Variants in STX17 observed in about 807,000 individuals in gnomAD.
STX17 encodes the protein syntaxin 17, also known as syntaxin-17.
In STX17, 29 loss-of-function variants were observed where a neutral mutation model predicts 35.9. The ratio of observed to expected loss-of-function variants is 0.81; its 90% CI spans 0.60 to 1.10. The LOEUF (loss-of-function observed/expected upper bound fraction) is 1.10, where lower values mean the gene tolerates loss of function less well. Among genes scored for constraint, STX17 ranks in the 50% least tolerant of loss-of-function variants. The probability of loss-of-function intolerance (pLI) is 0.00; values close to 1 mark genes in which losing one functional copy is unlikely to be tolerated. For synonymous variants in STX17, 92 were observed against 118.3 expected (o/e 0.78, Z 1.44); for missense variants, 312 against 352.3 (o/e 0.89, Z 0.92).
intron 4 of STX17, among the ~76,000 whole-genome samples, chr9:99,952,786 A>C (rs1425619179): frequency 6.6e-6 from 1 of 151,816 alleles, no homozygotes; most frequent in Non-Finnish European, 1.5e-5. Flanking sequence ...AAGGACAAAA[A>C]ACCAAACACT....
chr9:99,919,923 A>G (rs1244430411), intron 2 of STX17, among the ~76,000 whole-genome samples: 2 of 152,234 alleles, frequency 1.3e-5, no homozygotes, highest in African/African-American at 2.4e-5. Context: ...TCTGAACTAT[A>G]TAGTATAAAA....
intron 3 of STX17, chr9:99,929,061 T>A (rs959826173): frequency 2.5e-5 from 11 of 442,328 alleles, no homozygotes; most frequent in African/African-American, 2.0e-4. Context: ...ATACACAGAC[T>A]TATACTCTCA....
At chr9:99,953,618 T>C (rs749728313) in intron 4 of STX17, among the ~76,000 whole-genome samples, 2 of 152,080 alleles carry the variant, frequency 1.3e-5, no homozygotes, top group African/African-American at 4.8e-5. Context: ...TATAGTTGCA[T>C]GTGATTAAGG....
At chr9:99,950,968 A>T in intron 3 of STX17, 92 bp from the exon 4 acceptor site, 2 of 1,151,396 alleles carry the variant, frequency 1.7e-6, no homozygotes, top group Non-Finnish European at 2.4e-6. Context: ...ATTTGTTATA[A>T]TTTCCATCCA....
chr9:99,916,037 T>C (rs759944371), intron 2 of STX17: 3 of 455,856 alleles, frequency 6.6e-6, no homozygotes, highest in South Asian at 3.1e-5. Flanking sequence ...CAGTAACTCG[T>C]ATTCTCTTTA....
chr9:99,950,001 A>G (rs1004557871), intron 3 of STX17, among the ~76,000 whole-genome samples: 1 of 151,868 alleles, frequency 6.6e-6, no homozygotes, highest in Non-Finnish European at 1.5e-5. Flanking sequence ...AAATACTAGC[A>G]AATGAATTCA....
At chr9:99,926,023 C>T (rs1828978573) in intron 2 of STX17, among the ~76,000 whole-genome samples, 2 of 151,824 alleles carry the variant, frequency 1.3e-5, no homozygotes, top group Non-Finnish European at 2.9e-5. Context: ...ACTTATTTTT[C>T]TCTGTGTGTT....
intron 3 of STX17, among the ~76,000 whole-genome samples, chr9:99,950,041 C>G (rs963200320): frequency 6.6e-6 from 1 of 151,542 alleles, no homozygotes; most frequent in Non-Finnish European, 1.5e-5. Flanking sequence ...TATATATTGA[C>G]TAGAAAGGCT....
intron 4 of STX17, among the ~76,000 whole-genome samples, chr9:99,951,831 A>G (rs959814929): frequency 6.6e-6 from 1 of 152,090 alleles, no homozygotes; most frequent in African/African-American, 2.4e-5. Context: ...TGCTGATCAC[A>G]TTATAATAAT....
rs1830023774 is a variant in STX17 at position 99,971,991 on chromosome 9, A to G, written c.*3318A>G. Among the ~76,000 whole-genome samples the G allele has an allele frequency of 6.6e-6, 1 of 152,210 alleles. No homozygotes were observed. The highest frequency in any genetic ancestry group is 1.5e-5 in the Non-Finnish European group (1 of 68,030). On this transcript the variant is annotated 3_prime_UTR_variant, in exon 8 of 8. Transcript: ENST00000259400. ...ACAGAACAAGACCCTCTCTCAAAAA[A>G]ATATTTAAAAAAAGGTGGGTCATCC...
At position 99,968,523 on chromosome 9, in the gene STX17, C is replaced by G; in HGVS notation, c.759C>G (p.Phe253Leu). ...GTCCTATTGGCCTCCTTGCAGGCTT[C>G]AAAGTGGCAGGAATTGCAGCTGCAC... The part of the protein sequence containing the change: ...VGGPIGLLAG[F>L]KVAGIAAALG... The change falls in exon 8 of 8, where the codon TTC becomes TTG. Residue 253 changes from phenylalanine to leucine, a missense_variant. Transcript: ENST00000259400. 6.2e-7 allele frequency: 1 copy of G among 1,613,478 alleles called. No individual in the cohort carries two copies. Among genetic ancestry groups the G allele is most frequent in the Non-Finnish European group, 8.5e-7 (1 of 1,179,742 alleles).
chr9:99,943,334 G>A (rs756133739), intron 3 of STX17, among the ~76,000 whole-genome samples: 1 of 151,730 alleles, frequency 6.6e-6, no homozygotes, highest in Non-Finnish European at 1.5e-5. Flanking sequence ...TTGAGTTGGT[G>A]TCTCACTCTG....
intron 6 of STX17, among the ~76,000 whole-genome samples, chr9:99,965,075 G>A (rs1327483445): frequency 1.3e-5 from 2 of 152,090 alleles, no homozygotes; most frequent in African/African-American, 4.8e-5. Context: ...CTGATGGCAT[G>A]AATAAATACT....
intron 2 of STX17, among the ~76,000 whole-genome samples, chr9:99,923,517 A>T (rs760157071): frequency 7.2e-5 from 11 of 152,198 alleles, no homozygotes; most frequent in Admixed American, 2.0e-4. Context: ...AGTCACCAAC[A>T]CAGAAGACTT....
At position 99,968,511 on chromosome 9, in the gene STX17, C is replaced by T. The variant is rs1360502231; in HGVS notation, c.747C>T (p.Leu249=). Residue 249 remains leucine, a synonymous_variant, in exon 8 of 8, where the codon CTC becomes CTT. Transcript: ENST00000259400. Reference sequence around the variant, plus strand: ...GAATGGTAGGGGGTCCTATTGGCCTCCTTGCAGGCTTCAAAGTGGCAGGAA... The same window carrying T: ...GAATGGTAGGGGGTCCTATTGGCCTTCTTGCAGGCTTCAAAGTGGCAGGAA... ...IGGMVGGPIG[L]LAGFKVAGIA... is the part of the protein sequence containing the mutation. The T allele has an allele frequency of 3.7e-6, 6 of 1,613,082 alleles. No individual in the cohort carries two copies. The South Asian group carries it at 5.5e-5, about 15-fold the overall frequency.
intron 1 of STX17, among the ~76,000 whole-genome samples, chr9:99,912,546 A>G (rs1013034861): frequency 9.2e-5 from 14 of 152,096 alleles, no homozygotes; most frequent in Non-Finnish European, 1.3e-4. Context: ...GTTGGCAAAT[A>G]TTTTCTCCCT....
chr9:99,913,298 G>T (rs1828697012), intron 1 of STX17, among the ~76,000 whole-genome samples: 1 of 151,544 alleles, frequency 6.6e-6, no homozygotes, highest in Non-Finnish European at 1.5e-5. Flanking sequence ...CTTTCTTTCT[G>T]GGACTTCTAC....
At chr9:99,965,484 G>T (rs539856476) in intron 6 of STX17, among the ~76,000 whole-genome samples, 1 of 152,096 alleles carries the variant, frequency 6.6e-6, no homozygotes, top group African/African-American at 2.4e-5. Flanking sequence ...AACATATGAC[G>T]GCTGATGGTA....
chr9:99,946,337 T>C (rs2118461348), intron 3 of STX17, among the ~76,000 whole-genome samples: 1 of 152,248 alleles, frequency 6.6e-6, no homozygotes, highest in African/African-American at 2.4e-5. Flanking sequence ...CTGGAACCAA[T>C]CCTCCATGGA....
Sources: allele counts gnomAD v4.1 joint callset (sites outside exome capture counted in the v4.1 genomes callset), GRCh38; gene constraint gnomAD v4.1.1; transcripts MANE v1.5; gene names NCBI Gene and HGNC (gene_info 2026-07-23, HGNC 2026-07-21).